The following ARHGEF7 variants were observed in gnomAD, a reference collection of about 807,000 sequenced individuals.
ARHGEF7 encodes the protein Rho guanine nucleotide exchange factor 7.
ARHGEF7 carries 33 observed loss-of-function variants against 109.8 expected under a neutral mutation model. The observed-to-expected ratio is 0.30, with a 90% confidence interval of 0.23 to 0.40. The LOEUF is 0.40. Ranked by LOEUF, ARHGEF7 falls within the 10% of genes least tolerant of loss-of-function variation. ARHGEF7 has a pLI of 1.00. For synonymous variants in ARHGEF7, 458 were observed against 424.6 expected, an observed-to-expected ratio of 1.08 and a Z score of -0.97; for missense variants, 938 against 1,098.5, an observed-to-expected ratio of 0.85 and a Z score of 2.07.
intron 8 of ARHGEF7, among the ~76,000 whole-genome samples, chr13:111,248,202 T>A (rs1373646819): frequency 1.3e-5 from 2 of 152,332 alleles, no homozygotes; most frequent in East Asian, 3.9e-4. Flanking sequence ...GTTTCAGCAT[T>A]TGAAGGATAT....
chr13:111,240,342 A>G (rs2087552202), intron 6 of ARHGEF7, among the ~76,000 whole-genome samples: 1 of 152,282 alleles, frequency 6.6e-6, no homozygotes, highest in African/African-American at 2.4e-5. Flanking sequence ...AAGATACAGC[A>G]TCATAAAAGC....
intron 9 of ARHGEF7, among the ~76,000 whole-genome samples, chr13:111,270,324 G>A (rs1241002480): frequency 6.6e-6 from 1 of 152,214 alleles, no homozygotes; most frequent in Non-Finnish European, 1.5e-5. Context: ...GACCCACTGT[G>A]TACGGGCTGC....
At chr13:111,198,115 C>T (rs577553526) in intron 2 of ARHGEF7, among the ~76,000 whole-genome samples, 14 of 151,990 alleles carry the variant, frequency 9.2e-5, no homozygotes, top group Non-Finnish European at 1.5e-4. Context: ...GGCAAACCAC[C>T]GCTCCCAACT....
chr13:111,251,809 C>A (rs1205115747), intron 8 of ARHGEF7, among the ~76,000 whole-genome samples: 1 of 152,234 alleles, frequency 6.6e-6, no homozygotes, highest in South Asian at 2.1e-4. Context: ...CATTCATTCT[C>A]CCGGAACCAC....
chr13:111,287,401 G>A (rs1385522445), intron 17 of ARHGEF7, among the ~76,000 whole-genome samples: 4 of 152,228 alleles, frequency 2.6e-5, no homozygotes, highest in Non-Finnish European at 4.4e-5. Context: ...GCCGGGGGCC[G>A]GCTGCAGCTG....
chr13:111,251,329 A>C (rs1231220540), intron 8 of ARHGEF7, among the ~76,000 whole-genome samples: 1 of 152,280 alleles, frequency 6.6e-6, no homozygotes, highest in East Asian at 1.9e-4. Flanking sequence ...GTGAATGGAG[A>C]GGAGTGGAAC....
chr13:111,176,059 C>T (rs1043080915), intron 2 of ARHGEF7, among the ~76,000 whole-genome samples: 4 of 152,154 alleles, frequency 2.6e-5, no homozygotes, highest in African/African-American at 4.8e-5. Flanking sequence ...TCCCATGACA[C>T]GCAGGGTTTC....
chr13:111,267,647 A>T lies in ARHGEF7; in HGVS notation c.1050A>T (p.Ala350=), dbSNP rs763219901. The change falls in exon 9 of 22, where the codon GCA becomes GCT. Residue 350 remains alanine, a synonymous_variant. Transcript: ENST00000646102. ...CGTATTGTGCCAATCACCCTTCTGC[A>T]GTGAATGTCCTCACGGAACACAGGT... The part of the protein sequence containing the change: ...YLTYCANHPS[A]VNVLTEHSEE... 3 of 1,614,074 alleles carry T rather than the reference A, an allele frequency of 1.9e-6. No individual in the cohort carries two copies. The highest frequency in any genetic ancestry group is 2.5e-6 in the Non-Finnish European group (3 of 1,179,924).
At chr13:111,124,342 G>A (rs138030830) in intron 1 of ARHGEF7, among the ~76,000 whole-genome samples, 1 of 152,302 alleles carries the variant, frequency 6.6e-6, no homozygotes, top group Non-Finnish European at 1.5e-5. Context: ...TGCAGGTCTC[G>A]CCATGGGGCA....
At chr13:111,154,192 C>A (rs1038724424) in intron 2 of ARHGEF7, among the ~76,000 whole-genome samples, 1 of 152,230 alleles carries the variant, frequency 6.6e-6, no homozygotes, top group African/African-American at 2.4e-5. Flanking sequence ...GCGGGCCACC[C>A]CCAGGGCAGG....
At chr13:111,271,791 T>C (rs575189891) in intron 9 of ARHGEF7, among the ~76,000 whole-genome samples, 56 of 152,378 alleles carry the variant, frequency 3.7e-4, no homozygotes, top group African/African-American at 1.2e-3. Flanking sequence ...GATAAAATGT[T>C]TCTTGTCTTA....
intron 1 of ARHGEF7, among the ~76,000 whole-genome samples, chr13:111,120,472 T>TACACAC (rs35570792): frequency 4.0e-5 from 6 of 150,586 alleles, no homozygotes; most frequent in Non-Finnish European, 7.4e-5. Context: ...TGCATGTAAA[T>TACACAC]ACACACACAC....
intron 1 of ARHGEF7, among the ~76,000 whole-genome samples, chr13:111,132,734 A>G (rs1258369329): frequency 6.6e-6 from 1 of 152,054 alleles, no homozygotes; most frequent in Non-Finnish European, 1.5e-5. Flanking sequence ...CTGGGGAATT[A>G]TTTTTCTAAC....
At chr13:111,263,941 A>G (rs549015986) in intron 8 of ARHGEF7, among the ~76,000 whole-genome samples, 2 of 152,298 alleles carry the variant, frequency 1.3e-5, no homozygotes, top group South Asian at 2.1e-4. Flanking sequence ...CCTGTTTTTA[A>G]TCTGTTCCCA....
chr13:111,278,599 C>A (rs2092619621), intron 13 of ARHGEF7, among the ~76,000 whole-genome samples: 1 of 152,184 alleles, frequency 6.6e-6, no homozygotes, highest in African/African-American at 2.4e-5. Flanking sequence ...TATGTAGGAA[C>A]AGACTCAGGA....
intron 2 of ARHGEF7, among the ~76,000 whole-genome samples, chr13:111,177,132 A>G (rs1277788749): frequency 1.3e-5 from 2 of 152,210 alleles, no homozygotes; most frequent in African/African-American, 4.8e-5. Context: ...GAATTAACTC[A>G]TTTAAACCTG....
rs138273071 is a variant in ARHGEF7, at chr13:111,266,694, A to T, written c.951-854A>T. The T allele has an allele frequency of 2.7e-3, 1,063 of 400,992 alleles. 3 individuals are homozygous for T. The highest frequency in any genetic ancestry group is 4.5e-3 in the Non-Finnish European group (882 of 194,210). 24.8% of individuals were successfully genotyped at this position (400,992 alleles called of 1,614,324 possible). A position where few individuals can be genotyped will look rare whatever the true frequency, so the allele number is the denominator to read the frequency against. ...ATCCCTGGTGTTCATGTTTTTGGTCACTTTTTCTCTGGCTCCCATTCCCTA... is the reference window on the plus strand; with the variant it reads ...ATCCCTGGTGTTCATGTTTTTGGTCTCTTTTTCTCTGGCTCCCATTCCCTA... On this transcript the variant is annotated intron_variant, in intron 8 of 21. Coordinates refer to ENST00000646102, the MANE Select transcript of ARHGEF7 (RefSeq NM_001354046.2). The surrounding 1 kb of genome is among the most constrained non-coding windows in gnomAD (Gnocchi z 4.8).
intron 19 of ARHGEF7, chr13:111,294,011 G>A (rs1007535981): frequency 1.0e-6 from 1 of 985,384 alleles, no homozygotes; most frequent in Non-Finnish European, 1.2e-6. Context: ...CCAAATATTT[G>A]TTCCCAAGTA....
chr13:111,241,061 T>TG, intron 6 of ARHGEF7: 1 of 1,353,902 alleles, frequency 7.4e-7, no homozygotes, highest in Non-Finnish European at 9.8e-7. Flanking sequence ...TGCTGTGCTC[T>TG]GAGGCGGGCA....
Sources: gnomAD v4.1 joint callset for allele counts (sites outside exome capture counted in the v4.1 genomes callset) on GRCh38, gnomAD v4.1.1 for gene constraint, Gnocchi (gnomAD v3.1) non-coding constraint, MANE v1.5 for transcripts, NCBI Gene and HGNC (gene_info 2026-07-23, HGNC 2026-07-21) for gene names.